Variants in KCNIP4 observed in about 807,000 individuals in gnomAD.
KCNIP4 encodes the protein potassium voltage-gated channel interacting protein 4.
Under a neutral mutation model 34.0 loss-of-function variants are expected in KCNIP4, and 12 were observed. The ratio of observed to expected loss-of-function variants is 0.35; its 90% confidence interval spans 0.23 to 0.57. KCNIP4 has a LOEUF of 0.57. Among genes scored for constraint, KCNIP4 ranks in the 20% least tolerant of loss-of-function variants. The pLI, the probability that KCNIP4 is intolerant of heterozygous loss-of-function variation, is 0.83. For synonymous variants in KCNIP4, 124 were observed against 102.2 expected (o/e 1.21, Z -1.29); for missense variants, 238 against 311.7 (o/e 0.76, Z 1.78).
chr4:21,878,107 GCA>G (rs1726241810), intron 1 of KCNIP4, among the ~76,000 whole-genome samples: 1 of 152,102 alleles, frequency 6.6e-6, no homozygotes, highest in African/African-American at 2.4e-5. Context: ...GAGTGCAGTG[GCA>G]CAGTCTCAGC....
intron 3 of KCNIP4, among the ~76,000 whole-genome samples, chr4:20,795,377 G>A (rs970744151): frequency 6.6e-6 from 1 of 152,116 alleles, no homozygotes; most frequent in Non-Finnish European, 1.5e-5. Context: ...GAAGCCTATA[G>A]CCCTAAATAA....
intron 1 of KCNIP4, among the ~76,000 whole-genome samples, chr4:21,226,074 G>A (rs1024903351): frequency 6.6e-6 from 1 of 151,832 alleles, no homozygotes; most frequent in African/African-American, 2.4e-5. Context: ...CTATAAGGCA[G>A]ATACTGTGAT....
At chr4:21,154,402 C>A (rs1203537468) in intron 1 of KCNIP4, among the ~76,000 whole-genome samples, 1 of 152,188 alleles carries the variant, frequency 6.6e-6, no homozygotes, top group Non-Finnish European at 1.5e-5. Context: ...GCTGAATGGT[C>A]ATTATTTATT....
chr4:21,071,097 A>C (rs927268073), intron 1 of KCNIP4, among the ~76,000 whole-genome samples: 1 of 152,060 alleles, frequency 6.6e-6, no homozygotes, highest in African/African-American at 2.4e-5. Context: ...TCAAAGAGCA[A>C]AGGTTGTTTA....
intron 1 of KCNIP4, among the ~76,000 whole-genome samples, chr4:21,543,786 G>A (rs1422394301): frequency 2.0e-5 from 3 of 152,118 alleles, no homozygotes; most frequent in Non-Finnish European, 4.4e-5. Flanking sequence ...GGGTGCCAGG[G>A]AAGAAGACCT....
intron 1 of KCNIP4, among the ~76,000 whole-genome samples, chr4:21,722,359 A>T (rs1358888657): frequency 6.6e-6 from 1 of 152,082 alleles, no homozygotes; most frequent in Admixed American, 6.6e-5. Flanking sequence ...TGTTCAGGGT[A>T]GGCGTTACTA....
At position 21,232,782 on chromosome 4, in the gene KCNIP4, A is replaced by G. The variant is rs569168415; in HGVS notation, c.62-350073T>C. On this transcript the variant is annotated intron_variant, in intron 1 of 8. Transcript: ENST00000382152. ...TAGTACAGAAGATGGATAAGAAAGT[A>G]ATTAGCTAAAATGCAATATGATGTA... Among the ~76,000 whole-genome samples, 212 of 152,314 alleles carry G rather than the reference A, an allele frequency of 1.4e-3. 1 individual carries two copies. The highest frequency in any genetic ancestry group is 4.7e-3 in the African/African-American group (197 of 41,560).
At chr4:20,811,574 G>T (rs1326373392) in intron 3 of KCNIP4, among the ~76,000 whole-genome samples, 1 of 152,138 alleles carries the variant, frequency 6.6e-6, no homozygotes, top group Non-Finnish European at 1.5e-5. Context: ...AGTTAAAAAT[G>T]GGTTTGGGTT....
rs1375595480 is a variant in KCNIP4, at chr4:21,128,897, T to C, written c.62-246188A>G. Among the ~76,000 whole-genome samples, 5 of 152,206 alleles carry C rather than the reference T, an allele frequency of 3.3e-5. No homozygotes were observed. The East Asian group carries it at 9.6e-4, about 29-fold the overall frequency. On this transcript the variant is annotated intron_variant, in intron 1 of 8. Coordinates refer to ENST00000382152, the MANE Select transcript of KCNIP4 (RefSeq NM_025221.6). Reference sequence around the variant, plus strand: ...AGTATTTGGAGCCAGGCGCTTACCATTCTAAGCTTTCTTTTCCTGATATTT... The same window carrying C: ...AGTATTTGGAGCCAGGCGCTTACCACTCTAAGCTTTCTTTTCCTGATATTT...
chr4:21,494,583 G>C (rs1732687900), intron 1 of KCNIP4, among the ~76,000 whole-genome samples: 1 of 151,876 alleles, frequency 6.6e-6, no homozygotes, highest in South Asian at 2.1e-4. Context: ...GACCAGCTTG[G>C]CCAACATAGT....
At chr4:21,890,711 A>G (rs1727042849) in intron 1 of KCNIP4, among the ~76,000 whole-genome samples, 1 of 152,092 alleles carries the variant, frequency 6.6e-6, no homozygotes. Context: ...ATCTAATGGA[A>G]ATGTTATTAT....
At chr4:21,052,971 G>C (rs143019357) in intron 1 of KCNIP4, among the ~76,000 whole-genome samples, 1 of 151,788 alleles carries the variant, frequency 6.6e-6, no homozygotes, top group South Asian at 2.1e-4. Flanking sequence ...AGATGAGAGA[G>C]AGAAAGAGAG....
rs1736351212 is a variant in KCNIP4, at chr4:21,528,779, GGAAGAAAGGAAGAAAGGAAGA to G, written c.61+419771_61+419791del. Among the ~76,000 whole-genome samples, 14 of 14,408 alleles carry G rather than the reference GGAAGAAAGGAAGAAAGGAAGA, an allele frequency of 9.7e-4. 3 individuals carry two copies. Among genetic ancestry groups the G allele is most frequent in the African/African-American group, 3.4e-3 (12 of 3,482 alleles). 9.5% of individuals were successfully genotyped at this position (14,408 alleles called of 152,430 possible). ...AGAAAGAAAGAAAGAAAGAAAGAAA[GGAAGAAAGGAAGAAAGGAAGA>G]AAGGAAGGAAGGAAGGAAGGAAGGA... On this transcript the variant is annotated intron_variant, in intron 1 of 8. Transcript: ENST00000382152.
At chr4:20,737,688 G>C (rs754069013) in intron 5 of KCNIP4, among the ~76,000 whole-genome samples, 5 of 152,180 alleles carry the variant, frequency 3.3e-5, no homozygotes, top group Non-Finnish European at 7.3e-5. Flanking sequence ...CAGAAGCTCT[G>C]ATACTAAGCA....
intron 1 of KCNIP4, among the ~76,000 whole-genome samples, chr4:21,541,298 T>C (rs1472835876): frequency 6.6e-6 from 1 of 151,926 alleles, no homozygotes; most frequent in Non-Finnish European, 1.5e-5. Context: ...TCTGATAAAA[T>C]TCCCAACTTG....
chr4:20,842,141 T>C (rs1364073644), intron 3 of KCNIP4, among the ~76,000 whole-genome samples: 3 of 152,178 alleles, frequency 2.0e-5, no homozygotes, highest in East Asian at 1.9e-4. Flanking sequence ...AAAAATTACC[T>C]GTCTTTTTTT....
chr4:21,318,763 A>G (rs1484606663), intron 1 of KCNIP4, among the ~76,000 whole-genome samples: 2 of 151,990 alleles, frequency 1.3e-5, no homozygotes, highest in Admixed American at 1.3e-4. Flanking sequence ...AGAGAAGCTT[A>G]TTTTTCTCTT....
chr4:20,873,323 C>T (rs1491371), intron 2 of KCNIP4, among the ~76,000 whole-genome samples: 150,374 of 152,304 alleles, frequency 0.99, 74,256 homozygotes, highest in African/African-American at 0.99. Context: ...ACCTTCCTCA[C>T]AGACTTGCAG....
intron 1 of KCNIP4, among the ~76,000 whole-genome samples, chr4:21,330,737 A>G (rs1715547900): frequency 6.6e-6 from 1 of 152,162 alleles, no homozygotes; most frequent in Admixed American, 6.5e-5. Context: ...GTGCCATTGA[A>G]CTTGCTTACT....
Sources: allele counts gnomAD v4.1 joint callset (sites outside exome capture counted in the v4.1 genomes callset), GRCh38; gene constraint gnomAD v4.1.1; transcripts MANE v1.5; gene names NCBI Gene and HGNC (gene_info 2026-07-23, HGNC 2026-07-21).